SYTL5: variants seen among roughly 807,000 people sequenced by gnomAD.
SYTL5 encodes the protein synaptotagmin like 5, also known as synaptotagmin-like protein 5.
In SYTL5, 34 loss-of-function variants were observed where a neutral mutation model predicts 55.9. The observed-to-expected ratio is 0.61, with a 90% CI of 0.46 to 0.81. SYTL5 has a LOEUF of 0.81. Among genes scored for constraint, SYTL5 ranks in the 30% least tolerant of loss-of-function variants. The pLI, the probability that SYTL5 is intolerant of heterozygous loss-of-function variation, is 0.00. For missense variants in SYTL5, 637 were observed against 546.7 expected (o/e 1.17, Z -1.65); for synonymous variants, 221 against 188.7 (o/e 1.17, Z -1.40).
At chrX:37,940,654 T>G in the SYTL5 span, among the ~76,000 whole-genome samples, 1 of 107,495 alleles carries the variant, frequency 9.3e-6, no homozygotes, top group Non-Finnish European at 1.9e-5. Flanking sequence ...GATGTTATCT[T>G]TTGCATGAAA....
chrX:38,077,342 G>C, intron 6 of SYTL5, among the ~76,000 whole-genome samples: 1 of 111,601 alleles, frequency 9.0e-6, no homozygotes, highest in East Asian at 2.8e-4. Flanking sequence ...ATCAAAGCTA[G>C]CAATGAGAAA....
At chrX:38,042,079 A>G (rs1346760757) in intron 2 of SYTL5, among the ~76,000 whole-genome samples, 1 of 110,891 alleles carries the variant, frequency 9.0e-6, no homozygotes, top group Non-Finnish European at 1.9e-5. Flanking sequence ...GACTATATCT[A>G]TTATCTGTAT....
At chrX:38,061,953 A>G (rs1188221956) in intron 3 of SYTL5, among the ~76,000 whole-genome samples, 1 of 110,711 alleles carries the variant, frequency 9.0e-6, no homozygotes, top group Admixed American at 9.6e-5. Flanking sequence ...GGAACAAAAC[A>G]TGAAATATTT....
upstream of SYTL5, among the ~76,000 whole-genome samples, chrX:38,002,794 A>T (rs1933889618): frequency 9.0e-6 from 1 of 111,384 alleles, no homozygotes; most frequent in Admixed American, 9.5e-5. Flanking sequence ...AGATTGCAAA[A>T]ATTTTCTCCC....
intron 1 of SYTL5, among the ~76,000 whole-genome samples, chrX:38,007,946 T>C (rs919290734): frequency 2.7e-5 from 3 of 112,007 alleles, no homozygotes; most frequent in Admixed American, 9.5e-5. Context: ...ATGTTATCCT[T>C]CTATTTATTC....
the SYTL5 span, among the ~76,000 whole-genome samples, chrX:37,941,542 C>CT: frequency 5.4e-5 from 6 of 110,875 alleles, no homozygotes; most frequent in Admixed American, 9.6e-5. Flanking sequence ...TGTCTGAGGG[C>CT]TTTTTTTCCC....
At chrX:38,017,710 C>A (rs1443677829) in intron 1 of SYTL5, among the ~76,000 whole-genome samples, 1 of 107,476 alleles carries the variant, frequency 9.3e-6, no homozygotes, top group Non-Finnish European at 1.9e-5. Flanking sequence ...CTCAAAATTA[C>A]AAAGTTTTTT....
chrX:38,124,528 A>G (rs1937606590), intron 15 of SYTL5, among the ~76,000 whole-genome samples: 2 of 112,155 alleles, frequency 1.8e-5, no homozygotes, highest in Non-Finnish European at 3.8e-5. Context: ...TTTATCACAT[A>G]CCTAGAGCCT....
Position 38,012,204 on chromosome X carries a change from T to C in SYTL5, c.-357+5536T>C, listed in dbSNP as rs1432677766. 4.4e-5 allele frequency among the ~76,000 whole-genome samples: 5 copies of C among 112,361 alleles called. No homozygotes were observed. The South Asian group carries it at 1.8e-3, about 41-fold the overall frequency. On this transcript the variant is annotated intron_variant, in intron 1 of 16. Coordinates refer to ENST00000297875, the MANE Select transcript of SYTL5 (RefSeq NM_138780.3). The stretch of plus-strand genomic sequence containing the variant: ...AATGAATAAGAACACGTCTGGTTCA[T>C]GTAAATAGACTTCAGCGGCATTTTT...
the SYTL5 span, chrX:37,906,597 G>A: frequency 8.9e-6 from 1 of 111,853 alleles, no homozygotes; most frequent in Non-Finnish European, 1.9e-5. Context: ...CCCAGGACAT[G>A]CCAGCGCTTA....
chrX:37,910,844 A>G, the SYTL5 span, among the ~76,000 whole-genome samples: 1 of 111,963 alleles, frequency 8.9e-6, no homozygotes, highest in Non-Finnish European at 1.9e-5. Context: ...CTGCTGGTGT[A>G]GGGATGATAC....
chrX:38,065,501 G>A (rs1277702465), intron 3 of SYTL5, among the ~76,000 whole-genome samples: 1 of 112,079 alleles, frequency 8.9e-6, no homozygotes, highest in Non-Finnish European at 1.9e-5. Context: ...GCACTTTGAA[G>A]ATGTGTCATT....
chrX:38,007,818 T>C (rs967927812), intron 1 of SYTL5, among the ~76,000 whole-genome samples: 3 of 111,491 alleles, frequency 2.7e-5, no homozygotes, highest in Non-Finnish European at 3.8e-5. Flanking sequence ...CATATTTACA[T>C]GTGGGCAACT....
At chrX:38,105,568 A>AG (rs199673308) in intron 10 of SYTL5, among the ~76,000 whole-genome samples, 1,516 of 112,295 alleles carry the variant, frequency 0.014, 27 homozygotes, top group African/African-American at 0.047. Context: ...CTCAGTGAGC[A>AG]GGGGGATGAC....
chrX:38,113,835 C>A (rs1336238398), intron 13 of SYTL5, among the ~76,000 whole-genome samples: 1 of 111,468 alleles, frequency 9.0e-6, no homozygotes, highest in East Asian at 2.8e-4. Flanking sequence ...CCAACATAGC[C>A]TGGGTATTTA....
chrX:38,049,807 A>T (rs1935576224), intron 2 of SYTL5, among the ~76,000 whole-genome samples: 2 of 112,480 alleles, frequency 1.8e-5, no homozygotes, highest in South Asian at 3.7e-4. Flanking sequence ...CATAATTATT[A>T]TGTGTCAAGC....
chrX:38,004,504 A>G (rs7878064), upstream of SYTL5, among the ~76,000 whole-genome samples: 37,996 of 110,462 alleles, frequency 0.34, 4,859 homozygotes, highest in Middle Eastern at 0.4. Context: ...TTTACAATAG[A>G]CAAAATTTGG....
the SYTL5 span, among the ~76,000 whole-genome samples, chrX:37,967,200 C>G: frequency 4.9e-4 from 54 of 110,985 alleles, no homozygotes; most frequent in Admixed American, 5.1e-3. Flanking sequence ...TACAGGCACC[C>G]GCCACCATGA....
At chrX:38,070,897 AG>A (rs1432955725) in intron 3 of SYTL5, among the ~76,000 whole-genome samples, 1 of 112,040 alleles carries the variant, frequency 8.9e-6, no homozygotes, top group Non-Finnish European at 1.9e-5. Context: ...GTTGAATTCC[AG>A]GTATTCTAAT....
Sources: gnomAD v4.1 joint callset for allele counts (sites outside exome capture counted in the v4.1 genomes callset) on GRCh38, gnomAD v4.1.1 for gene constraint, MANE v1.5 for transcripts, NCBI Gene and HGNC (gene_info 2026-07-23, HGNC 2026-07-21) for gene names.